MAP3K20: variants seen among roughly 807,000 people sequenced by gnomAD.
MAP3K20 encodes mitogen-activated protein kinase kinase kinase 20, also known as HCCS-4.
A neutral mutation model predicts 85.7 loss-of-function variants in MAP3K20; 40 were observed. The observed-to-expected ratio is 0.47, with a 90% CI of 0.36 to 0.61. MAP3K20 has a LOEUF of 0.61. Among genes scored for constraint, MAP3K20 ranks in the 20% least tolerant of loss-of-function variants. The pLI, the probability that MAP3K20 is intolerant of heterozygous loss-of-function variation, is 0.00. For synonymous variants in MAP3K20, 325 were observed against 327.7 expected, an observed-to-expected ratio of 0.99 and a Z score of 0.09; for missense variants, 817 against 961.7, an observed-to-expected ratio of 0.85 and a Z score of 1.99.
At chr2:173,075,700 G>C, upstream of MAP3K20, 1 of 938,094 alleles carries the variant, frequency 1.1e-6, no homozygotes. Flanking sequence ...CGGGTGCCGG[G>C]GCGCGGGGCG....
intron 3 of MAP3K20, among the ~76,000 whole-genome samples, chr2:173,182,291 T>G (rs1323515257): frequency 7.2e-5 from 11 of 152,208 alleles, no homozygotes; most frequent in Non-Finnish European, 1.6e-4. Flanking sequence ...GACTGGATTG[T>G]GGTGGTGGTT....
chr2:173,171,742 G>GT (rs535142395), intron 3 of MAP3K20, among the ~76,000 whole-genome samples: 5 of 152,088 alleles, frequency 3.3e-5, no homozygotes, highest in Non-Finnish European at 7.4e-5. Flanking sequence ...AAATTGATTA[G>GT]TTTTTTATGG....
chr2:173,237,967 C>A (rs1345317120), intron 14 of MAP3K20, among the ~76,000 whole-genome samples: 1 of 152,122 alleles, frequency 6.6e-6, no homozygotes, highest in Admixed American at 6.6e-5. Context: ...CCAGCCTGGG[C>A]CACAAAGACC....
chr2:173,166,172 T>C (rs1403260159), intron 2 of MAP3K20, among the ~76,000 whole-genome samples: 2 of 152,256 alleles, frequency 1.3e-5, no homozygotes, highest in African/African-American at 2.4e-5. Flanking sequence ...TTCATATAAG[T>C]AGAATCATAC....
rs1425649711 is a variant in MAP3K20, at chr2:173,266,794, A to AAAG, written c.*46_*47insGAA. 2 of 1,366,988 alleles carry AAAG rather than the reference A, an allele frequency of 1.5e-6. No homozygotes were observed. The highest frequency in any genetic ancestry group is 5.1e-5 in the East Asian group (2 of 39,128). 84.7% of individuals were successfully genotyped at this position (1,366,988 alleles called of 1,614,324 possible). A position where few individuals can be genotyped will look rare whatever the true frequency, so the allele number is the denominator to read the frequency against. On this transcript the variant is annotated 3_prime_UTR_variant, in exon 20 of 20. Transcript: ENST00000375213. ...TTTTCTAAGCAGGTTAAAAAAAAAA[A>AAAG]AAAAAAGAAATGTAATGGTTTTTGA...
At chr2:173,113,385 A>G (rs530461871) in intron 2 of MAP3K20, among the ~76,000 whole-genome samples, 8 of 151,312 alleles carry the variant, frequency 5.3e-5, no homozygotes, top group East Asian at 1.9e-4. Flanking sequence ...TTTTGTTTCA[A>G]TTTCATTTGG....
chr2:173,258,900 T>C, intron 17 of MAP3K20, 85 bp downstream of exon 17: 2 of 880,948 alleles, frequency 2.3e-6, no homozygotes, highest in South Asian at 3.0e-5. Flanking sequence ...AGTGTGCTTT[T>C]GTGCTTGTCC....
intron 1 of MAP3K20, among the ~76,000 whole-genome samples, chr2:173,088,759 C>T (rs1478019285): frequency 6.6e-6 from 1 of 152,134 alleles, no homozygotes; most frequent in Non-Finnish European, 1.5e-5. Context: ...CTCTATATAC[C>T]TACCCTTGGC....
intron 11 of MAP3K20, chr2:173,226,308 C>A (rs1274042311): frequency 2.0e-6 from 2 of 984,948 alleles, no homozygotes; most frequent in African/African-American, 3.5e-5. Context: ...AGTTTTAAAA[C>A]TTATTCTGAG....
chr2:173,091,625 G>GT (rs1000269315), intron 2 of MAP3K20, among the ~76,000 whole-genome samples: 4 of 152,036 alleles, frequency 2.6e-5, no homozygotes, highest in East Asian at 1.9e-4. Context: ...ATAAGACACT[G>GT]TTTTTTTTAA....
chr2:173,148,305 C>G (rs1039113526), intron 2 of MAP3K20, among the ~76,000 whole-genome samples: 1 of 152,130 alleles, frequency 6.6e-6, no homozygotes, highest in African/African-American at 2.4e-5. Flanking sequence ...TTAGTATTCT[C>G]CCTTGCTCTT....
rs201768801 is a variant in MAP3K20 at position 173,266,552 on chromosome 2, G to A, written c.2205G>A (p.Arg735=). ...CGCCTGACTTCAAGAGAAGCCCCAG[G>A]GACCTCCACCAACCCAACACCATAC... ...HQSPDFKRSP[R]DLHQPNTIPG... The change falls in exon 20 of 20, where the codon AGG becomes AGA. Residue 735 remains arginine (R), a synonymous_variant. Coordinates refer to ENST00000375213, the MANE Select transcript of MAP3K20 (RefSeq NM_016653.3). 5 of 1,613,682 alleles carry A rather than the reference G, an allele frequency of 3.1e-6. No homozygotes were observed. In the South Asian group the frequency reaches 4.4e-5, roughly 14 times the overall value.
rs1194723131 is a variant in MAP3K20 at position 173,198,309 on chromosome 2, G to A, written c.669+197G>A. 1.2e-5 allele frequency: 5 copies of A among 412,484 alleles called. No individual in the cohort carries two copies. Among genetic ancestry groups the A allele is most frequent in the Non-Finnish European group, 2.2e-5 (5 of 226,728 alleles). 25.6% of individuals were successfully genotyped at this position (412,484 alleles called of 1,614,324 possible). A position where few individuals can be genotyped will look rare whatever the true frequency, so the allele number is the denominator to read the frequency against. ...TTACATCTAATTGTTGCAGCTTCAC[G>A]TCGTGATGCTGTAGATCAAAAATTG... On this transcript the variant is annotated intron_variant, in intron 8 of 19. Coordinates refer to ENST00000375213, the MANE Select transcript of MAP3K20 (RefSeq NM_016653.3). This position sits in a 1 kb window ranked among gnomAD's most constrained non-coding sequence, Gnocchi z 5.8.
intron 2 of MAP3K20, among the ~76,000 whole-genome samples, chr2:173,103,768 A>G (rs1243068697): frequency 1.3e-5 from 2 of 152,096 alleles, no homozygotes. Context: ...GAAAGAGGTA[A>G]CTCTACATGT....
Position 173,263,795 on chromosome 2 carries a change from G to A in MAP3K20, c.1602G>A (p.Trp534Ter). 1 of 1,613,578 alleles carries A rather than the reference G, an allele frequency of 6.2e-7. No homozygotes were observed. The highest frequency in any genetic ancestry group is 8.5e-7 in the Non-Finnish European group (1 of 1,179,908). Residue 534 changes from tryptophan to a stop codon, truncating the protein, a stop_gained, in exon 19 of 20, where the codon TGG becomes TGA. Coordinates refer to ENST00000375213, the MANE Select transcript of MAP3K20 (RefSeq NM_016653.3). LOFTEE classifies it high-confidence loss of function. ...KSTKHVHSIQ[W>*]SRTKPQDEVK... ...CTAAACATGTCCATTCGATTCAGTG[G>A]AGTAGAACAAAACCTCAGGATGAAG...
intron 7 of MAP3K20, among the ~76,000 whole-genome samples, chr2:173,197,556 G>A (rs1292839434): frequency 6.6e-6 from 1 of 152,184 alleles, no homozygotes; most frequent in Non-Finnish European, 1.5e-5. Context: ...GGGTAGGTAG[G>A]TTAGCCAGTG....
Position 173,132,137 on chromosome 2 carries a change from A to G in MAP3K20, c.160-37668A>G, listed in dbSNP as rs185798144. Reference sequence around the variant, plus strand: ...CTCTCCTTCCCTTAATTCAAGTCATACTTATCACTCCTTTCAGCCTCTGGT... The same window carrying G: ...CTCTCCTTCCCTTAATTCAAGTCATGCTTATCACTCCTTTCAGCCTCTGGT... On this transcript the variant is annotated intron_variant, in intron 2 of 19. Coordinates refer to ENST00000375213, the MANE Select transcript of MAP3K20 (RefSeq NM_016653.3). Among the ~76,000 whole-genome samples the G allele has an allele frequency of 2.6e-5, 4 of 152,188 alleles. No homozygotes were observed. In the East Asian group the frequency reaches 7.7e-4, roughly 29 times the overall value.
intron 14 of MAP3K20, among the ~76,000 whole-genome samples, chr2:173,238,041 C>G (rs1160160989): frequency 6.6e-6 from 1 of 152,100 alleles, no homozygotes; most frequent in African/African-American, 2.4e-5. Context: ...GTCCCAGCCA[C>G]CTGGGAGGCT....
intron 19 of MAP3K20, among the ~76,000 whole-genome samples, chr2:173,265,487 G>C (rs530413703): frequency 6.6e-6 from 1 of 152,240 alleles, no homozygotes; most frequent in South Asian, 2.1e-4. Flanking sequence ...ACACGTGAAC[G>C]GTCTTTCTTC....
Sources: gnomAD v4.1 joint callset for allele counts (sites outside exome capture counted in the v4.1 genomes callset) on GRCh38, gnomAD v4.1.1 for gene constraint, Gnocchi (gnomAD v3.1) non-coding constraint, MANE v1.5 for transcripts, NCBI Gene and HGNC (gene_info 2026-07-23, HGNC 2026-07-21) for gene names.